The following RABGAP1L variants were observed in gnomAD, a reference collection of about 807,000 sequenced individuals.
RABGAP1L encodes the protein RAB GTPase activating protein 1 like.
Under a neutral mutation model 137.7 loss-of-function variants are expected in RABGAP1L, and 63 were observed. The ratio of observed to expected loss-of-function variants is 0.46; its 90% CI spans 0.37 to 0.56. The LOEUF is 0.56. Among genes scored for constraint, RABGAP1L ranks in the 20% least tolerant of loss-of-function variants. The pLI, the probability that RABGAP1L is intolerant of heterozygous loss-of-function variation, is 0.00. For synonymous variants in RABGAP1L, 431 were observed against 433.7 expected, an observed-to-expected ratio of 0.99 and a Z score of 0.08; for missense variants, 1,095 against 1,244.0, an observed-to-expected ratio of 0.88 and a Z score of 1.80.
At chr1:174,973,358 CCTTTT>C (rs1481810396) in intron 21 of RABGAP1L, among the ~76,000 whole-genome samples, 9 of 151,402 alleles carry the variant, frequency 5.9e-5, no homozygotes, top group Admixed American at 2.0e-4. Context: ...TGTTTTTCCC[CCTTTT>C]CTTTTCTTTT....
chr1:174,739,822 A>G (rs1484570644), intron 17 of RABGAP1L, among the ~76,000 whole-genome samples: 1 of 152,242 alleles, frequency 6.6e-6, no homozygotes, highest in African/African-American at 2.4e-5. Context: ...TTACAGTTGA[A>G]TGAAACTATA....
chr1:174,922,363 G>A (rs901424333), intron 19 of RABGAP1L: 4 of 195,294 alleles, frequency 2.0e-5, no homozygotes, highest in South Asian at 1.0e-4. Context: ...CGCATCAGGC[G>A]CAGTTTATGC....
At chr1:174,986,573 A>G (rs1671608285) in intron 24 of RABGAP1L, among the ~76,000 whole-genome samples, 1 of 152,210 alleles carries the variant, frequency 6.6e-6, no homozygotes, top group African/African-American at 2.4e-5. Flanking sequence ...AGCTCTGTCA[A>G]ACTTATTGCT....
chr1:174,622,283 G>T (rs1254589920), intron 13 of RABGAP1L, among the ~76,000 whole-genome samples: 1 of 152,152 alleles, frequency 6.6e-6, no homozygotes, highest in Non-Finnish European at 1.5e-5. Flanking sequence ...AACCATTGTG[G>T]AAGTCAGTGT....
At chr1:174,210,533 TACAC>T (rs1364839301) in intron 1 of RABGAP1L, among the ~76,000 whole-genome samples, 24 of 151,916 alleles carry the variant, frequency 1.6e-4, no homozygotes, top group Non-Finnish European at 2.6e-4. Context: ...CATTTGAAAA[TACAC>T]AGAGGAGACA....
intron 19 of RABGAP1L, among the ~76,000 whole-genome samples, chr1:174,928,295 A>C (rs376013011): frequency 4.3e-4 from 65 of 152,228 alleles, no homozygotes; most frequent in Admixed American, 1.4e-3. Context: ...GAATCTTTGT[A>C]CATCCTCCTA....
intron 17 of RABGAP1L, among the ~76,000 whole-genome samples, chr1:174,722,180 C>T (rs550132278): frequency 6.6e-6 from 1 of 152,204 alleles, no homozygotes; most frequent in South Asian, 2.1e-4. Context: ...TCCACCCGCC[C>T]CACCCACAAA....
chr1:174,373,611 A>T (rs1685281808), intron 12 of RABGAP1L, among the ~76,000 whole-genome samples: 1 of 152,170 alleles, frequency 6.6e-6, no homozygotes, highest in African/African-American at 2.4e-5. Context: ...TTCTGAAGAG[A>T]TACCCAGATC....
intron 13 of RABGAP1L, among the ~76,000 whole-genome samples, chr1:174,506,603 C>A (rs918234601): frequency 6.6e-6 from 1 of 152,050 alleles, no homozygotes; most frequent in East Asian, 1.9e-4. Flanking sequence ...TGAAAGATCT[C>A]TATACAACAA....
intron 11 of RABGAP1L, among the ~76,000 whole-genome samples, chr1:174,351,172 T>A (rs1239465074): frequency 2.6e-5 from 4 of 152,078 alleles, no homozygotes; most frequent in South Asian, 2.1e-4. Context: ...AACAGGTTCA[T>A]CTTTCTACCC....
chr1:174,589,137 G>T (rs1330256788), intron 13 of RABGAP1L, among the ~76,000 whole-genome samples: 1 of 152,130 alleles, frequency 6.6e-6, no homozygotes, highest in Non-Finnish European at 1.5e-5. Context: ...TTGGATAAAA[G>T]CCATTAAAAC....
At chr1:174,966,483 G>A (rs1278325340) in intron 20 of RABGAP1L, among the ~76,000 whole-genome samples, 1 of 151,866 alleles carries the variant, frequency 6.6e-6, no homozygotes, top group Non-Finnish European at 1.5e-5. Context: ...TTTAATCTAA[G>A]TTTCCTATAT....
At chr1:174,901,956 G>A (rs1658209450) in intron 19 of RABGAP1L, among the ~76,000 whole-genome samples, 1 of 152,094 alleles carries the variant, frequency 6.6e-6, no homozygotes, top group Non-Finnish European at 1.5e-5. Context: ...GTGGTTTGCT[G>A]GGGGTCCAAT....
chr1:174,682,106 C>T (rs187944601), intron 14 of RABGAP1L, among the ~76,000 whole-genome samples: 2 of 152,112 alleles, frequency 1.3e-5, no homozygotes, highest in East Asian at 1.9e-4. Context: ...CATGGTGAAA[C>T]CCTGTCTCTA....
intron 10 of RABGAP1L, among the ~76,000 whole-genome samples, chr1:174,293,127 A>G (rs2148725087): frequency 6.6e-6 from 1 of 152,192 alleles, no homozygotes; most frequent in East Asian, 1.9e-4. Flanking sequence ...TTTTTTCCTG[A>G]AAACTTTTTT....
chr1:174,596,373 C>G (rs574359208), intron 13 of RABGAP1L, among the ~76,000 whole-genome samples: 1 of 152,186 alleles, frequency 6.6e-6, no homozygotes, highest in East Asian at 1.9e-4. Flanking sequence ...ATCTTGGTTC[C>G]TCCCTCCTCT....
intron 11 of RABGAP1L, among the ~76,000 whole-genome samples, chr1:174,347,213 A>G (rs999772190): frequency 6.6e-6 from 1 of 152,182 alleles, no homozygotes; most frequent in African/African-American, 2.4e-5. Context: ...AATGTTCTAC[A>G]AATGTCTGTT....
chr1:174,401,353 A>C (rs74128384), intron 13 of RABGAP1L, among the ~76,000 whole-genome samples: 5,539 of 152,260 alleles, frequency 0.036, 137 homozygotes, highest in Middle Eastern at 0.088. Context: ...GATTGTTGTG[A>C]GAATTTAGTA....
chr1:174,358,851 T>C (rs1204468663), intron 11 of RABGAP1L, among the ~76,000 whole-genome samples: 6 of 152,308 alleles, frequency 3.9e-5, no homozygotes, highest in Non-Finnish European at 8.8e-5. Context: ...CAAGTACTAA[T>C]CTAGCATTGG....
Sources: gnomAD v4.1 joint callset for allele counts (sites outside exome capture counted in the v4.1 genomes callset) on GRCh38, gnomAD v4.1.1 for gene constraint, MANE v1.5 for transcripts, NCBI Gene and HGNC (gene_info 2026-07-23, HGNC 2026-07-21) for gene names.